Variants in NOX4 observed in about 807,000 individuals in gnomAD.
The protein encoded by NOX4 is kidney oxidase-1.
A neutral mutation model predicts 87.6 loss-of-function variants in NOX4; 69 were observed. The ratio of observed to expected loss-of-function variants is 0.79; its 90% CI spans 0.65 to 0.96. The LOEUF is 0.96. Ranked by LOEUF, NOX4 falls within the 40% of genes least tolerant of loss-of-function variation. NOX4 has a pLI of 0.00. For missense variants in NOX4, 680 were observed against 681.5 expected, an observed-to-expected ratio of 1.00 and a Z score of 0.02; for synonymous variants, 275 against 238.2, an observed-to-expected ratio of 1.15 and a Z score of -1.42.
the NOX4 span, among the ~76,000 whole-genome samples, chr11:89,544,215 A>G: frequency 5.3e-5 from 8 of 151,930 alleles, no homozygotes; most frequent in African/African-American, 1.9e-4. Context: ...TCTTCTTGAA[A>G]TCTCTGCTTA....
chr11:89,425,624 C>T lies in NOX4; in HGVS notation c.549-3642G>A, dbSNP rs144521643. ...AATATGGTCCTATTTTGGTAAAATA[C>T]ATATGTATATAAGAGAGAAAAAATG... is the stretch of plus-strand genomic sequence containing the variant. On this transcript the variant is annotated intron_variant, in intron 7 of 17. Transcript: ENST00000263317. Among the ~76,000 whole-genome samples the T allele has an allele frequency of 9.9e-5, 15 of 151,752 alleles. No individual in the cohort carries two copies. In the East Asian group the frequency reaches 1.9e-3, roughly 20 times the overall value.
chr11:89,451,893 T>C lies in NOX4; in HGVS notation c.156A>G (p.Leu52=), dbSNP rs1186600966. ...CTGAGGCTCTGCTTAGACACAATCC[T>C]AGCTGAACAAATAAGGCAAGGTCAG... ...EYHYLHQMLG[L]GLCLSRASAS... The change falls in exon 3 of 18, where the codon CTA becomes CTG. Residue 52 remains leucine, a splice_region_variant and synonymous_variant. Transcript: ENST00000263317. The C allele has an allele frequency of 1.9e-6, 3 of 1,608,098 alleles. No homozygotes were observed. Among genetic ancestry groups the C allele is most frequent in the Non-Finnish European group, 2.6e-6 (3 of 1,174,800 alleles).
chr11:89,346,449 G>A (rs569259000), intron 13 of NOX4, among the ~76,000 whole-genome samples: 2 of 151,102 alleles, frequency 1.3e-5, no homozygotes, highest in Non-Finnish European at 2.9e-5. Flanking sequence ...CTACTTTGTC[G>A]ACTGACAATT....
chr11:89,348,456 T>TA (rs1946312062), intron 13 of NOX4, among the ~76,000 whole-genome samples: 3 of 149,534 alleles, frequency 2.0e-5, no homozygotes, highest in Middle Eastern at 3.4e-3. Flanking sequence ...AAAAAAACTA[T>TA]ATATATATAT....
In NOX4 at chr11:89,400,387, A is replaced by C. The variant is rs2135179233; in HGVS notation, c.847-8T>G. 1 of 1,557,092 alleles carries C rather than the reference A, an allele frequency of 6.4e-7. No individual in the cohort carries two copies. Among genetic ancestry groups the C allele is most frequent in the Admixed American group, 1.9e-5 (1 of 51,626 alleles). Reference sequence around the variant, plus strand: ...AGAAATCCAAAGCCAAGTCTAAGACAAATTTTTGAAAATATACTTCAAGAA... The same window carrying C: ...AGAAATCCAAAGCCAAGTCTAAGACCAATTTTTGAAAATATACTTCAAGAA... On this transcript the variant is annotated splice_region_variant and splice_polypyrimidine_tract_variant and intron_variant, in intron 9 of 17. Coordinates refer to ENST00000263317, the MANE Select transcript of NOX4 (RefSeq NM_016931.5).
chr11:89,403,318 A>G (rs570804737), intron 8 of NOX4, among the ~76,000 whole-genome samples: 48 of 152,308 alleles, frequency 3.2e-4, no homozygotes, highest in African/African-American at 1.2e-3. Context: ...CATAGCATCA[A>G]CAAGGTCACT....
At chr11:89,415,635 A>G (rs1389268612) in intron 8 of NOX4, among the ~76,000 whole-genome samples, 1 of 152,124 alleles carries the variant, frequency 6.6e-6, no homozygotes, top group Non-Finnish European at 1.5e-5. Flanking sequence ...GTATTTCAGG[A>G]ATTAATGAAT....
intron 5 of NOX4, among the ~76,000 whole-genome samples, chr11:89,441,613 T>C (rs1025781074): frequency 6.6e-6 from 1 of 152,078 alleles, no homozygotes; most frequent in African/African-American, 2.4e-5. Context: ...GGCTATAGGG[T>C]GATCTAAGAA....
the NOX4 span, among the ~76,000 whole-genome samples, chr11:89,524,563 G>T: frequency 3.9e-5 from 6 of 152,000 alleles, no homozygotes; most frequent in South Asian, 1.0e-3. Context: ...TCATATTGAG[G>T]TTCACATAAA....
chr11:89,491,077 C>A, intron 1 of NOX4, 113 bp downstream of exon 1: 2 of 1,075,074 alleles, frequency 1.9e-6, no homozygotes, highest in Non-Finnish European at 2.8e-6. Context: ...TGAGAATGTT[C>A]GAATTAAGAC....
intron 8 of NOX4, among the ~76,000 whole-genome samples, chr11:89,418,077 C>A (rs1003510011): frequency 3.3e-5 from 5 of 151,806 alleles, no homozygotes; most frequent in African/African-American, 9.7e-5. Context: ...TGAAGAAAAT[C>A]GCTAAAATAT....
chr11:89,480,556 G>A (rs1167477516), intron 2 of NOX4, among the ~76,000 whole-genome samples: 1 of 152,120 alleles, frequency 6.6e-6, no homozygotes, highest in Non-Finnish European at 1.5e-5. Context: ...AGCAGAGGGA[G>A]GAAAGAAGAC....
At chr11:89,589,148 G>GTC in the NOX4 span, among the ~76,000 whole-genome samples, 14 of 152,204 alleles carry the variant, frequency 9.2e-5, no homozygotes, top group African/African-American at 2.4e-5. Flanking sequence ...TCCATCTGGA[G>GTC]TCTCTCTCTT....
At chr11:89,525,161 C>A in the NOX4 span, among the ~76,000 whole-genome samples, 1 of 152,018 alleles carries the variant, frequency 6.6e-6, no homozygotes, top group African/African-American at 2.4e-5. Context: ...CTGTTATGAA[C>A]ATTTGTATAC....
At chr11:89,347,091 T>G (rs537639692) in intron 13 of NOX4, among the ~76,000 whole-genome samples, 2 of 152,322 alleles carry the variant, frequency 1.3e-5, no homozygotes, top group South Asian at 2.1e-4. Flanking sequence ...GATTAGAAGA[T>G]GAAAGACAGT....
chr11:89,493,638 A>C (rs1293263023), upstream of NOX4, among the ~76,000 whole-genome samples: 2 of 151,914 alleles, frequency 1.3e-5, no homozygotes, highest in African/African-American at 4.8e-5. Flanking sequence ...AGCCATCCCC[A>C]AGGGACAGAG....
chr11:89,411,840 A>G lies in NOX4; in HGVS notation c.630-9298T>C, dbSNP rs369781316. On this transcript the variant is annotated intron_variant, in intron 8 of 17. Transcript: ENST00000263317. ...CTTATCAGCAATAACATAGAATGTC[A>G]ATGAAATAAACTGTCCAATCAAAAG... Among the ~76,000 whole-genome samples, 9 of 152,310 alleles carry G rather than the reference A, an allele frequency of 5.9e-5. 1 individual carries two copies. The South Asian group carries it at 1.9e-3, about 32-fold the overall frequency.
intron 6 of NOX4, among the ~76,000 whole-genome samples, chr11:89,435,446 T>A (rs758471837): frequency 2.0e-5 from 3 of 152,122 alleles, no homozygotes; most frequent in African/African-American, 4.8e-5. Context: ...ATTTCCAAAG[T>A]GTATTATTTG....
chr11:89,465,992 T>A (rs990153199), intron 2 of NOX4, among the ~76,000 whole-genome samples: 3 of 152,174 alleles, frequency 2.0e-5, no homozygotes, highest in Non-Finnish European at 4.4e-5. Context: ...GATTAATGCC[T>A]TTATAAGAAG....
Sources: gnomAD v4.1 joint callset for allele counts (sites outside exome capture counted in the v4.1 genomes callset) on GRCh38, gnomAD v4.1.1 for gene constraint, MANE v1.5 for transcripts, NCBI Gene and HGNC (gene_info 2026-07-23, HGNC 2026-07-21) for gene names.